Variants in PPME1 observed in about 807,000 individuals in gnomAD.
The protein encoded by PPME1 is protein phosphatase methylesterase 1.
Under a neutral mutation model 56.9 loss-of-function variants are expected in PPME1, and 17 were observed. The ratio of observed to expected loss-of-function variants is 0.30; its 90% CI spans 0.20 to 0.45. The LOEUF (loss-of-function observed/expected upper bound fraction) is 0.45, where lower values mean the gene tolerates loss of function less well. Ranked by LOEUF, PPME1 falls within the 20% of genes least tolerant of loss-of-function variation. The probability of loss-of-function intolerance (pLI) is 1.00; values close to 1 mark genes in which losing one functional copy is unlikely to be tolerated. For synonymous variants in PPME1, 122 were observed against 156.2 expected (o/e 0.78, Z 1.63); for missense variants, 357 against 483.2 (o/e 0.74, Z 2.45).
At chr11:74,210,553 G>T (rs575614944) in intron 3 of PPME1, among the ~76,000 whole-genome samples, 1 of 152,138 alleles carries the variant, frequency 6.6e-6, no homozygotes, top group South Asian at 2.1e-4. Flanking sequence ...GAATGGCTTG[G>T]TGCCGTTCTC....
At chr11:74,188,834 G>C (rs1214038444) in intron 1 of PPME1, among the ~76,000 whole-genome samples, 1 of 151,904 alleles carries the variant, frequency 6.6e-6, no homozygotes, top group Non-Finnish European at 1.5e-5. Context: ...AAAGTCACTT[G>C]GAATAATTCT....
At chr11:74,221,621 A>T (rs1858803329) in intron 3 of PPME1, among the ~76,000 whole-genome samples, 1 of 152,088 alleles carries the variant, frequency 6.6e-6, no homozygotes, top group Non-Finnish European at 1.5e-5. Context: ...CAGTTCTCTT[A>T]TTTTATTCTT....
chr11:74,184,989 CTTTTTTTTTTT>C (rs559947122), intron 1 of PPME1, among the ~76,000 whole-genome samples: 18,724 of 95,248 alleles, frequency 0.2, 1,110 homozygotes, highest in East Asian at 0.3. Context: ...TGAAGTATGT[CTTTTTTTTTTT>C]TTTTTTTTTT....
intron 1 of PPME1, among the ~76,000 whole-genome samples, chr11:74,199,949 TC>T: frequency 6.6e-6 from 1 of 152,014 alleles, no homozygotes; most frequent in Non-Finnish European, 1.5e-5. Flanking sequence ...TCCAACCAGG[TC>T]CCCCCACAAC....
chr11:74,239,958 A>AT (rs760748505), intron 9 of PPME1, among the ~76,000 whole-genome samples: 5,236 of 89,908 alleles, frequency 0.058, 443 homozygotes, highest in African/African-American at 0.19. Flanking sequence ...TTTTCTTTCC[A>AT]TTTTTTTTTT....
In PPME1 at chr11:74,242,897, A is replaced by AC. The variant is rs1555081598; in HGVS notation, c.835-3179_835-3178insC. On this transcript the variant is annotated intron_variant, in intron 9 of 13. Transcript: ENST00000328257. Reference sequence around the variant, plus strand: ...CTGTCTCAAAAAAAAAAAAAAAAAAAAAAAAACAGGCTGGAAGAAATTAAG... The same window carrying AC: ...CTGTCTCAAAAAAAAAAAAAAAAAAACAAAAAACAGGCTGGAAGAAATTAAG... Among the ~76,000 whole-genome samples, 1,369 of 150,910 alleles carry AC rather than the reference A, an allele frequency of 9.1e-3. 26 individuals carry two copies. Among genetic ancestry groups the AC allele is most frequent in the African/African-American group, 0.032 (1,314 of 40,692 alleles).
rs1436487008 is a variant in PPME1, at chr11:74,252,277, G to A, written c.1142+562G>A. The A allele has an allele frequency of 1.5e-5, 4 of 270,448 alleles. No homozygotes were observed. The East Asian group carries it at 3.8e-4, about 26-fold the overall frequency. The allele number at this position is 270,448 out of a possible 1,614,324, so 16.8% of individuals were successfully genotyped here. A position where few individuals can be genotyped will look rare whatever the true frequency, so the allele number is the denominator to read the frequency against. On this transcript the variant is annotated intron_variant, in intron 13 of 13. Coordinates refer to ENST00000328257, the MANE Select transcript of PPME1 (RefSeq NM_016147.3). Reference sequence around the variant, plus strand: ...TTTTTTTTTTTTTTTAGTAAAGATGGTGGTTTCTCCATGTTGGCCAGGCTG... The same window carrying A: ...TTTTTTTTTTTTTTTAGTAAAGATGATGGTTTCTCCATGTTGGCCAGGCTG...
intron 7 of PPME1, among the ~76,000 whole-genome samples, chr11:74,231,495 T>G (rs1303897593): frequency 3.3e-5 from 5 of 152,264 alleles, no homozygotes; most frequent in African/African-American, 1.2e-4. Flanking sequence ...TTGCCACGCC[T>G]TATTGTAATA....
chr11:74,182,817 G>T (rs1157929726), intron 1 of PPME1, among the ~76,000 whole-genome samples: 1 of 152,108 alleles, frequency 6.6e-6, no homozygotes, highest in African/African-American at 2.4e-5. Context: ...GGAGGCGTGG[G>T]TGTTCAATCG....
At chr11:74,228,514 G>T (rs1858986740) in intron 5 of PPME1, among the ~76,000 whole-genome samples, 1 of 152,104 alleles carries the variant, frequency 6.6e-6, no homozygotes, top group African/African-American at 2.4e-5. Context: ...ATGACCTTGG[G>T]CAGTAGGATA....
Position 74,196,000 on chromosome 11 carries a change from C to T in PPME1, c.102-7728C>T, listed in dbSNP as rs138013512. The stretch of plus-strand genomic sequence containing the variant: ...AGTACAATTGGTATACCATGTGGCT[C>T]AACTATAAACAGTGTTTCTATAATG... On this transcript the variant is annotated intron_variant, in intron 1 of 13. Transcript: ENST00000328257. Among the ~76,000 whole-genome samples, 1,272 of 152,294 alleles carry T rather than the reference C, an allele frequency of 8.4e-3. 10 individuals are homozygous for T. The highest frequency in any genetic ancestry group is 0.012 in the Non-Finnish European group (795 of 68,022).
chr11:74,210,314 T>A (rs184339740), intron 3 of PPME1, among the ~76,000 whole-genome samples: 1 of 152,200 alleles, frequency 6.6e-6, no homozygotes, highest in Non-Finnish European at 1.5e-5. Context: ...TAGGAATAGA[T>A]GAAAAACTTC....
intron 5 of PPME1, among the ~76,000 whole-genome samples, chr11:74,226,312 G>A (rs1394703919): frequency 6.6e-6 from 1 of 152,102 alleles, no homozygotes; most frequent in Non-Finnish European, 1.5e-5. Flanking sequence ...GCTCATATAG[G>A]TTGAATAACT....
intron 12 of PPME1, chr11:74,251,397 ACT>A (rs1859656500): frequency 3.7e-6 from 5 of 1,366,942 alleles, no homozygotes; most frequent in Non-Finnish European, 4.7e-6. Context: ...CCATTCTGTA[ACT>A]CTGAGGGCAC....
intron 13 of PPME1, chr11:74,252,637 A>G: frequency 2.4e-6 from 1 of 421,802 alleles, no homozygotes; most frequent in Admixed American, 2.4e-5. Context: ...GCATTGTAGG[A>G]TGCTTAGCAG....
chr11:74,251,728 C>G lies in PPME1; in HGVS notation c.1142+13C>G, dbSNP rs773529715. On this transcript the variant is annotated intron_variant, in intron 13 of 13. Coordinates refer to ENST00000328257, the MANE Select transcript of PPME1 (RefSeq NM_016147.3). ...GTGGATTCCAGTGGTAAGGCGGGTA[C>G]AAGGGTTTAAGAACCCAGCAGTGCT... 2 of 1,613,870 alleles carry G rather than the reference C, an allele frequency of 1.2e-6. No individual in the cohort carries two copies. Among genetic ancestry groups the G allele is most frequent in the Non-Finnish European group, 1.7e-6 (2 of 1,179,802 alleles).
chr11:74,176,900 T>C (rs1201051910), intron 1 of PPME1, among the ~76,000 whole-genome samples: 2 of 151,806 alleles, frequency 1.3e-5, no homozygotes, highest in African/African-American at 4.8e-5. Context: ...CCAGCTAATT[T>C]TTGTATTTTT....
At chr11:74,181,959 A>G (rs904325056) in intron 1 of PPME1, among the ~76,000 whole-genome samples, 2 of 152,342 alleles carry the variant, frequency 1.3e-5, no homozygotes, top group East Asian at 1.9e-4. Flanking sequence ...ACATGTCATT[A>G]GTCTCTCTTC....
rs894965277 is a variant in PPME1, at chr11:74,250,947, T to C, written c.1010-7T>C. 5.0e-6 allele frequency: 8 copies of C among 1,594,500 alleles called. No homozygotes were observed. Among genetic ancestry groups the C allele is most frequent in the Non-Finnish European group, 6.8e-6 (8 of 1,169,942 alleles). ...GCTGAAGTTGCCTTGCTTTGATTCC[T>C]CTCCAGGGAAGTTCCAGATGCAGGT... On this transcript the variant is annotated splice_polypyrimidine_tract_variant and splice_region_variant and intron_variant, in intron 11 of 13. Coordinates refer to ENST00000328257, the MANE Select transcript of PPME1 (RefSeq NM_016147.3).
Sources: allele counts gnomAD v4.1 joint callset (sites outside exome capture counted in the v4.1 genomes callset), GRCh38; gene constraint gnomAD v4.1.1; transcripts MANE v1.5; gene names NCBI Gene and HGNC (gene_info 2026-07-23, HGNC 2026-07-21).